RUNX1T1: variants seen among roughly 807,000 people sequenced by gnomAD.
RUNX1T1 encodes RUNX1 partner transcriptional co-repressor 1, also known as protein CBFA2T1.
Under a neutral mutation model 62.8 loss-of-function variants are expected in RUNX1T1, and 4 were observed. That is an observed-to-expected ratio of 0.06 (90% CI 0.03 to 0.15). The LOEUF (loss-of-function observed/expected upper bound fraction) is 0.15, where lower values mean the gene tolerates loss of function less well. Among genes scored for constraint, RUNX1T1 ranks in the 10% least tolerant of loss-of-function variants. The probability of loss-of-function intolerance (pLI) is 1.00; values close to 1 mark genes in which losing one functional copy is unlikely to be tolerated. For missense variants in RUNX1T1, 508 were observed against 754.3 expected (o/e 0.67, Z 3.82); for synonymous variants, 291 against 286.0 (o/e 1.02, Z -0.18).
intron 6 of RUNX1T1, among the ~76,000 whole-genome samples, chr8:91,987,930 C>T (rs1369446283): frequency 6.6e-6 from 1 of 152,064 alleles, no homozygotes; most frequent in Non-Finnish European, 1.5e-5. Context: ...CAAAATGTTA[C>T]TCTGAACAGC....
chr8:92,096,320 A>G (rs1315451675), intron 1 of RUNX1T1, among the ~76,000 whole-genome samples: 1 of 152,132 alleles, frequency 6.6e-6, no homozygotes, highest in Non-Finnish European at 1.5e-5. Flanking sequence ...AATTGAGGCA[A>G]TCAATCTCGG....
chr8:91,979,632 G>C (rs1018803674), intron 8 of RUNX1T1: 16 of 293,820 alleles, frequency 5.4e-5, no homozygotes, highest in Non-Finnish European at 1.0e-4. Context: ...GAGTGGATGA[G>C]GATGAAGGGA....
intron 3 of RUNX1T1, among the ~76,000 whole-genome samples, chr8:92,011,732 C>G (rs1437932379): frequency 1.3e-5 from 2 of 152,108 alleles, no homozygotes; most frequent in Non-Finnish European, 2.9e-5. Context: ...TTCCACTTAT[C>G]CTAGAGGCAA....
intron 1 of RUNX1T1, among the ~76,000 whole-genome samples, chr8:92,037,258 C>A (rs1827598565): frequency 6.6e-6 from 1 of 152,194 alleles, no homozygotes; most frequent in African/African-American, 2.4e-5. Flanking sequence ...GGAGGGAGGG[C>A]AGAAACATCA....
At chr8:92,056,909 A>G (rs1831135621) in intron 1 of RUNX1T1, among the ~76,000 whole-genome samples, 3 of 152,200 alleles carry the variant, frequency 2.0e-5, no homozygotes. Context: ...GGATGACCAC[A>G]TTCCAAAAGC....
intron 1 of RUNX1T1, among the ~76,000 whole-genome samples, chr8:92,019,510 G>A (rs370213460): frequency 6.6e-6 from 1 of 152,062 alleles, no homozygotes; most frequent in Non-Finnish European, 1.5e-5. Flanking sequence ...AGAGACAAGA[G>A]CCTGATGGGG....
chr8:91,996,934 C>T (rs991639525), intron 5 of RUNX1T1, among the ~76,000 whole-genome samples: 2 of 150,108 alleles, frequency 1.3e-5, no homozygotes, highest in African/African-American at 2.5e-5. Flanking sequence ...CCAGCCTGGC[C>T]GACATGGTGA....
At chr8:92,070,603 A>G (rs1428331209) in intron 2 of RUNX1T1, among the ~76,000 whole-genome samples, 2 of 130,524 alleles carry the variant, frequency 1.5e-5, no homozygotes, top group Non-Finnish European at 3.1e-5. Flanking sequence ...TAAAATATTG[A>G]CATTACTTCC....
At chr8:92,084,208 G>T (rs960695809) in intron 1 of RUNX1T1, among the ~76,000 whole-genome samples, 6 of 144,196 alleles carry the variant, frequency 4.2e-5, no homozygotes, top group Admixed American at 2.9e-4. Context: ...TAACAAACCT[G>T]CACGTTCTGC....
intron 5 of RUNX1T1, among the ~76,000 whole-genome samples, chr8:91,992,119 A>C (rs1817800558): frequency 6.6e-6 from 1 of 152,194 alleles, no homozygotes. Flanking sequence ...TCAAATTAGC[A>C]AATATCTTTT....
chr8:92,004,442 T>G (rs1014453874), intron 5 of RUNX1T1: 3 of 152,250 alleles, frequency 2.0e-5, no homozygotes, highest in Non-Finnish European at 2.9e-5. Context: ...ATGTGTATGC[T>G]TTATTCAACA....
At chr8:92,086,275 T>C (rs1298329677) in intron 1 of RUNX1T1, among the ~76,000 whole-genome samples, 27 of 152,228 alleles carry the variant, frequency 1.8e-4, no homozygotes, top group Admixed American at 1.8e-3. Context: ...AGAAGTTTTA[T>C]AAATTATTTT....
upstream of RUNX1T1, chr8:92,102,872 A>G: frequency 1.3e-6 from 2 of 1,521,534 alleles, no homozygotes; most frequent in South Asian, 1.2e-5. This position sits in a 1 kb window ranked among gnomAD's most constrained non-coding sequence, Gnocchi z 4.5. Flanking sequence ...ACAGGGCCGG[A>G]GAGTCCCACC....
intron 8 of RUNX1T1, among the ~76,000 whole-genome samples, chr8:91,979,118 G>A (rs1394765333): frequency 6.6e-6 from 1 of 152,124 alleles, no homozygotes. Flanking sequence ...AGAGTGATTG[G>A]TAGTAGGTAT....
intron 1 of RUNX1T1, among the ~76,000 whole-genome samples, chr8:92,088,010 C>G (rs932249386): frequency 6.6e-6 from 1 of 152,222 alleles, no homozygotes; most frequent in Non-Finnish European, 1.5e-5. Context: ...TCATTGTCCA[C>G]ATTTGTTTCT....
At chr8:92,054,822 CCT>C (rs1365946865) in intron 1 of RUNX1T1, among the ~76,000 whole-genome samples, 4 of 151,830 alleles carry the variant, frequency 2.6e-5, no homozygotes, top group African/African-American at 9.7e-5. Context: ...GGTGAAACCC[CCT>C]CTCTACTAAA....
At chr8:91,993,890 G>A (rs1041429698) in intron 5 of RUNX1T1, among the ~76,000 whole-genome samples, 1 of 152,090 alleles carries the variant, frequency 6.6e-6, no homozygotes, top group African/African-American at 2.4e-5. Context: ...TGCTCGGGAG[G>A]CTGAGGCAGG....
At chr8:92,065,246 A>C (rs533815047), upstream of RUNX1T1, among the ~76,000 whole-genome samples, 1 of 152,242 alleles carries the variant, frequency 6.6e-6, no homozygotes, top group Non-Finnish European at 1.5e-5. Flanking sequence ...GTATAATAAA[A>C]ATAGACAATC....
chr8:92,050,436 T>C (rs933412504), intron 1 of RUNX1T1, among the ~76,000 whole-genome samples: 6 of 152,214 alleles, frequency 3.9e-5, no homozygotes, highest in African/African-American at 1.4e-4. Flanking sequence ...ATGTCAGTGA[T>C]AGATCAGGTA....
Sources: gnomAD v4.1 joint callset for allele counts (sites outside exome capture counted in the v4.1 genomes callset) on GRCh38, gnomAD v4.1.1 for gene constraint, Gnocchi (gnomAD v3.1) non-coding constraint, MANE v1.5 for transcripts, NCBI Gene and HGNC (gene_info 2026-07-23, HGNC 2026-07-21) for gene names.